USP34: variants seen among roughly 807,000 people sequenced by gnomAD.
The protein encoded by USP34 is ubiquitin carboxyl-terminal hydrolase 34.
USP34 carries 70 observed loss-of-function variants against 460.3 expected under a neutral mutation model. The ratio of observed to expected loss-of-function variants is 0.15; its 90% CI spans 0.13 to 0.19. USP34 has a LOEUF of 0.19. USP34 is among the 10% of genes least tolerant of loss of function. The probability of loss-of-function intolerance (pLI) is 1.00; values close to 1 mark genes in which losing one functional copy is unlikely to be tolerated. For missense variants in USP34, 3,985 were observed against 4,236.2 expected (o/e 0.94, Z 1.65); for synonymous variants, 1,647 against 1,405.3 (o/e 1.17, Z -3.85).
intron 1 of USP34, among the ~76,000 whole-genome samples, chr2:61,468,508 C>G (rs536876764): frequency 6.6e-5 from 10 of 152,310 alleles, no homozygotes; most frequent in Admixed American, 6.5e-4. Flanking sequence ...AAGGAAGCAT[C>G]ACTGTGAGAT....
chr2:61,193,889 T>C (rs866513738), intron 75 of USP34, among the ~76,000 whole-genome samples: 3 of 152,302 alleles, frequency 2.0e-5, no homozygotes, highest in Middle Eastern at 3.4e-3. Flanking sequence ...GCTGAGGCAG[T>C]GTGAAGGCAG....
intron 43 of USP34, 159 bp downstream of exon 43, chr2:61,265,238 A>T (rs996257318): frequency 2.6e-6 from 2 of 770,666 alleles, no homozygotes; most frequent in Non-Finnish European, 4.1e-6. Context: ...ACTAAAATGT[A>T]TAACTATGTA....
intron 10 of USP34, among the ~76,000 whole-genome samples, chr2:61,351,326 A>C (rs1691936553): frequency 6.6e-6 from 1 of 152,232 alleles, no homozygotes; most frequent in Non-Finnish European, 1.5e-5. Context: ...TGGAGTACAC[A>C]ACAGAAACCC....
chr2:61,229,063 ACTTTTTAAACTCTGAATTT>A (rs1687810252), intron 59 of USP34, 68 bp from the exon 60 acceptor site: 1 of 1,226,336 alleles, frequency 8.2e-7, no homozygotes, highest in African/African-American at 1.5e-5. Flanking sequence ...GAGAAAAAGT[ACTTTTTAAACTCTGAATTT>A]CTTTTATCTT....
intron 3 of USP34, among the ~76,000 whole-genome samples, chr2:61,395,603 G>A (rs1011214399): frequency 1.4e-5 from 2 of 140,298 alleles, no homozygotes; most frequent in South Asian, 2.2e-4. Flanking sequence ...TCGAGACCAC[G>A]GTGAAACCCC....
chr2:61,361,527 C>T (rs1692275332), intron 10 of USP34, among the ~76,000 whole-genome samples: 1 of 152,184 alleles, frequency 6.6e-6, no homozygotes, highest in Non-Finnish European at 1.5e-5. Context: ...ATCAACTGAT[C>T]TTCCAGAAGG....
At chr2:61,400,302 G>T (rs974404972) in intron 3 of USP34, among the ~76,000 whole-genome samples, 1 of 151,962 alleles carries the variant, frequency 6.6e-6, no homozygotes, top group Non-Finnish European at 1.5e-5. Context: ...GTAGAGACAG[G>T]GTTTCACTGT....
intron 3 of USP34, among the ~76,000 whole-genome samples, chr2:61,401,148 T>TC (rs1693705429): frequency 5.0e-5 from 2 of 40,150 alleles, no homozygotes; most frequent in Non-Finnish European, 9.8e-5. Flanking sequence ...AGACTCTGTC[T>TC]CAAAAAAAAA....
chr2:61,342,296 CTT>C (rs34298126), intron 16 of USP34, among the ~76,000 whole-genome samples: 5 of 95,090 alleles, frequency 5.3e-5, no homozygotes, highest in East Asian at 3.5e-4. Flanking sequence ...TGGCCGTTTC[CTT>C]TTTTTTTTTT....
chr2:61,300,654 G>A (rs982051670), intron 29 of USP34, among the ~76,000 whole-genome samples: 7 of 151,622 alleles, frequency 4.6e-5, no homozygotes, highest in African/African-American at 1.7e-4. Flanking sequence ...AAATTAGCCA[G>A]GTGTGGTTGC....
chr2:61,213,702 G>A (rs1687329608), intron 68 of USP34, among the ~76,000 whole-genome samples: 1 of 152,164 alleles, frequency 6.6e-6, no homozygotes. Context: ...TGTAGATTTT[G>A]CTAAGTATCT....
intron 2 of USP34, among the ~76,000 whole-genome samples, chr2:61,412,282 A>C (rs1369340966): frequency 9.5e-6 from 1 of 105,430 alleles, no homozygotes; most frequent in Non-Finnish European, 2.0e-5. Context: ...CAAAATACAA[A>C]AAGGAAAAAA....
At chr2:61,307,471 A>C (rs1690449310) in intron 27 of USP34, among the ~76,000 whole-genome samples, 1 of 151,920 alleles carries the variant, frequency 6.6e-6, no homozygotes, top group South Asian at 2.1e-4. Flanking sequence ...AAAAAAAAAG[A>C]GTTTATGAGA....
At chr2:61,254,363 T>C (rs530607040) in intron 48 of USP34, among the ~76,000 whole-genome samples, 63 of 152,360 alleles carry the variant, frequency 4.1e-4, no homozygotes, top group African/African-American at 1.5e-3. Flanking sequence ...CTCAGGCAGA[T>C]ATTCTGATAG....
rs765855409 is a variant in USP34, at chr2:61,380,330, G to T, written c.853C>A (p.Arg285=). Residue 285 remains arginine (R), a synonymous_variant, in exon 7 of 80, where the codon CGA becomes AGA. Transcript: ENST00000398571. ...YLCKLSDQEL[R]QSAARNMADL... Reference sequence around the variant, plus strand: ...GCCATGTTACGAGCTGCACTCTGTCGTAACTCCTGATCCGAGAGCTTGCAT... The same window carrying T: ...GCCATGTTACGAGCTGCACTCTGTCTTAACTCCTGATCCGAGAGCTTGCAT... 1.2e-6 allele frequency: 2 copies of T among 1,612,952 alleles called. No homozygotes were observed. Among genetic ancestry groups the T allele is most frequent in the Non-Finnish European group, 1.7e-6 (2 of 1,179,382 alleles).
chr2:61,206,418 C>G (rs943175573), intron 71 of USP34, among the ~76,000 whole-genome samples: 4 of 152,186 alleles, frequency 2.6e-5, no homozygotes, highest in Non-Finnish European at 4.4e-5. Flanking sequence ...TTATAGTCAT[C>G]TCGCATGAAA....
At chr2:61,302,062 C>T (rs1465489144) in intron 27 of USP34, among the ~76,000 whole-genome samples, 2 of 152,098 alleles carry the variant, frequency 1.3e-5, no homozygotes, top group Non-Finnish European at 2.9e-5. Flanking sequence ...GTGTTTTATT[C>T]ACACATGCAT....
chr2:61,464,717 C>CAAAA (rs35331685), intron 1 of USP34, among the ~76,000 whole-genome samples: 1,167 of 77,634 alleles, frequency 0.015, 41 homozygotes, highest in South Asian at 0.055. Context: ...GACTCCGTCT[C>CAAAA]AAAAAAAAAA....
At chr2:61,275,490 G>A (rs1364033090) in intron 41 of USP34, among the ~76,000 whole-genome samples, 1 of 151,926 alleles carries the variant, frequency 6.6e-6, no homozygotes, top group African/African-American at 2.4e-5. Context: ...TGGGTGTGAT[G>A]GCGTATGCCT....
Sources: allele counts gnomAD v4.1 joint callset (sites outside exome capture counted in the v4.1 genomes callset), GRCh38; gene constraint gnomAD v4.1.1; transcripts MANE v1.5; gene names NCBI Gene and HGNC (gene_info 2026-07-23, HGNC 2026-07-21).